Variants in VPS13C observed in about 807,000 individuals in gnomAD.
VPS13C encodes the protein vacuolar protein sorting 13 homolog C.
A neutral mutation model predicts 456.8 loss-of-function variants in VPS13C; 358 were observed. That is an observed-to-expected ratio of 0.78 (90% CI 0.72 to 0.86). VPS13C has a LOEUF of 0.86. Among genes scored for constraint, VPS13C ranks in the 40% least tolerant of loss-of-function variants. The pLI is 0.00. For missense variants in VPS13C, 4,818 were observed against 4,385.4 expected, an observed-to-expected ratio of 1.10 and a Z score of -2.79; for synonymous variants, 1,578 against 1,486.7, an observed-to-expected ratio of 1.06 and a Z score of -1.41.
chr15:61,961,639 A>C lies in VPS13C; in HGVS notation c.3858T>G (p.Pro1286=), dbSNP rs763340297. ...SLVSDEDYLN[P]PVIDRMDVQL... ...GCACATCCATTCTATCAATTACTGG[A>C]GGATTTAAGTAGTCTTCATCAGACA... The change falls in exon 35 of 85, where the codon CCT becomes CCG. Residue 1286 remains proline, a synonymous_variant. Coordinates refer to ENST00000644861, the MANE Select transcript of VPS13C (RefSeq NM_020821.3). The C allele has an allele frequency of 3.7e-6, 6 of 1,612,992 alleles. No individual in the cohort carries two copies. The highest frequency in any genetic ancestry group is 5.1e-6 in the Non-Finnish European group (6 of 1,179,384).
At chr15:62,001,592 A>G (rs988279884) in intron 15 of VPS13C, among the ~76,000 whole-genome samples, 7 of 152,142 alleles carry the variant, frequency 4.6e-5, no homozygotes, top group Non-Finnish European at 8.8e-5. Flanking sequence ...ATATGTATAC[A>G]TGTGCCATGC....
rs116969701 is a variant in VPS13C at position 61,994,346 on chromosome 15, C to T, written c.1354-2544G>A. Among the ~76,000 whole-genome samples the T allele has an allele frequency of 7.4e-3, 1,123 of 152,268 alleles. 9 individuals are homozygous for T. The highest frequency in any genetic ancestry group is 0.01 in the Non-Finnish European group (711 of 68,030). On this transcript the variant is annotated intron_variant, in intron 16 of 84. Coordinates refer to ENST00000644861, the MANE Select transcript of VPS13C (RefSeq NM_020821.3). ...GTCATGGAGGATTGAAATTGTTATC[C>T]TCCGGTGATTCATTCCTCTCTTTCA...
At chr15:61,983,774 A>C (rs1264053826) in intron 20 of VPS13C, 46 bp downstream of exon 20, 27 of 1,567,252 alleles carry the variant, frequency 1.7e-5, no homozygotes, top group Non-Finnish European at 2.3e-5. Context: ...GTATGTCAGA[A>C]GCATAAGATG....
intron 47 of VPS13C, among the ~76,000 whole-genome samples, chr15:61,939,883 A>G (rs1156896885): frequency 1.3e-5 from 2 of 151,826 alleles, no homozygotes; most frequent in South Asian, 4.2e-4. Flanking sequence ...AATCACTGCT[A>G]CTCAGGAGGC....
At chr15:61,956,711 C>T (rs949329440) in intron 37 of VPS13C, among the ~76,000 whole-genome samples, 10 of 152,158 alleles carry the variant, frequency 6.6e-5, no homozygotes, top group Non-Finnish European at 1.2e-4. Flanking sequence ...ATCACCTTCA[C>T]CAGTAATCAA....
chr15:61,949,345 G>A (rs575875396), intron 42 of VPS13C, 98 bp downstream of exon 42: 41 of 1,395,582 alleles, frequency 2.9e-5, no homozygotes, highest in Non-Finnish European at 3.5e-5. Context: ...GAGCAGCAAT[G>A]TCAACATGCT....
intron 64 of VPS13C, among the ~76,000 whole-genome samples, chr15:61,909,462 C>T (rs2043239655): frequency 6.6e-6 from 1 of 152,220 alleles, no homozygotes; most frequent in African/African-American, 2.4e-5. Flanking sequence ...CCGCCTCGGC[C>T]TCCCAAAGTG....
chr15:61,855,691 G>A (rs989258596), intron 83 of VPS13C, among the ~76,000 whole-genome samples: 4 of 151,876 alleles, frequency 2.6e-5, no homozygotes, highest in African/African-American at 9.7e-5. Flanking sequence ...GAAAACAAAT[G>A]CACTAAAGAA....
At chr15:61,862,079 G>A (rs1310062287) in intron 82 of VPS13C, among the ~76,000 whole-genome samples, 1 of 151,806 alleles carries the variant, frequency 6.6e-6, no homozygotes, top group African/African-American at 2.4e-5. Flanking sequence ...CAGCCTGGGT[G>A]ACGGAGTGAG....
intron 78 of VPS13C, 140 bp downstream of exon 78, chr15:61,873,106 A>G (rs1895155763): frequency 1.5e-6 from 2 of 1,321,910 alleles, no homozygotes; most frequent in African/African-American, 2.9e-5. Context: ...GCAAAAAGGA[A>G]ACTGGGAAGT....
At chr15:62,046,116 G>A (rs2048393489) in intron 1 of VPS13C, among the ~76,000 whole-genome samples, 1 of 152,020 alleles carries the variant, frequency 6.6e-6, no homozygotes, top group African/African-American at 2.4e-5. Context: ...AATAAAGGAA[G>A]AAAAGGAGGA....
chr15:61,969,200 CTAT>C (rs2045471253), intron 28 of VPS13C, 96 bp downstream of exon 28: 1 of 874,524 alleles, frequency 1.1e-6, no homozygotes, highest in Admixed American at 3.2e-5. Context: ...AACAGTGTAG[CTAT>C]TATTTATTAT....
chr15:61,869,122 T>TTC (rs1596272147), intron 80 of VPS13C, among the ~76,000 whole-genome samples: 1 of 146,726 alleles, frequency 6.8e-6, no homozygotes, highest in African/African-American at 2.6e-5. Flanking sequence ...TTTTCTTTTT[T>TTC]TTTTTTTTTT....
chr15:61,944,119 T>C (rs2093754526), intron 45 of VPS13C, among the ~76,000 whole-genome samples: 1 of 152,128 alleles, frequency 6.6e-6, no homozygotes, highest in Admixed American at 6.6e-5. Flanking sequence ...GAATGGCTGT[T>C]ATTAAAAAGT....
intron 1 of VPS13C, 76 bp from the exon 2 acceptor site, chr15:62,044,331 C>A: frequency 1.1e-6 from 1 of 874,352 alleles, no homozygotes; most frequent in African/African-American, 1.7e-5. Context: ...TAGTACCAAG[C>A]ACTAAGAAAC....
chr15:62,021,105 C>T (rs1317786625), intron 8 of VPS13C, among the ~76,000 whole-genome samples: 1 of 151,654 alleles, frequency 6.6e-6, no homozygotes, highest in African/African-American at 2.4e-5. Context: ...TACACGTGGT[C>T]AGTGTGTGGA....
At chr15:61,970,585 C>T (rs1475993816) in intron 27 of VPS13C, among the ~76,000 whole-genome samples, 1 of 151,938 alleles carries the variant, frequency 6.6e-6, no homozygotes. Flanking sequence ...CACTTGAGCC[C>T]GAGAGTTCAA....
chr15:61,963,950 C>G lies in VPS13C; in HGVS notation c.3216G>C (p.Ala1072=). 1 of 1,582,490 alleles carries G rather than the reference C, an allele frequency of 6.3e-7. No homozygotes were observed. ...TGTCACTATCTCTGGAGGATACAATCGCTAAAAATAAAACAAAGCATCTGT... is the reference window on the plus strand; with the variant it reads ...TGTCACTATCTCTGGAGGATACAATGGCTAAAAATAAAACAAAGCATCTGT... ...KQQKNSTLPK[A]IVSSRDSDII... The change falls in exon 32 of 85, where the codon GCG becomes GCC. Residue 1072 remains alanine, a splice_region_variant and synonymous_variant. Coordinates refer to ENST00000644861, the MANE Select transcript of VPS13C (RefSeq NM_020821.3).
chr15:62,017,083 T>C (rs2047279288), intron 9 of VPS13C, among the ~76,000 whole-genome samples: 1 of 152,226 alleles, frequency 6.6e-6, no homozygotes, highest in Admixed American at 6.5e-5. Flanking sequence ...TTGAGAAGCG[T>C]CTTCTTTTGA....
Sources: allele counts gnomAD v4.1 joint callset (sites outside exome capture counted in the v4.1 genomes callset), GRCh38; gene constraint gnomAD v4.1.1; transcripts MANE v1.5; gene names NCBI Gene and HGNC (gene_info 2026-07-23, HGNC 2026-07-21).